The following ATP8A1 variants were observed in gnomAD, a reference collection of about 807,000 sequenced individuals.
The protein encoded by ATP8A1 is ATPase phospholipid transporting 8A1.
In ATP8A1, 90 loss-of-function variants were observed where a neutral mutation model predicts 177.7. The observed-to-expected ratio is 0.51, with a 90% CI of 0.43 to 0.60. The LOEUF (loss-of-function observed/expected upper bound fraction) is 0.60, where lower values mean the gene tolerates loss of function less well. Among genes scored for constraint, ATP8A1 ranks in the 20% least tolerant of loss-of-function variants. ATP8A1 has a pLI of 0.00. For missense variants in ATP8A1, 1,072 were observed against 1,392.8 expected, an observed-to-expected ratio of 0.77 and a Z score of 3.67; for synonymous variants, 493 against 485.9, an observed-to-expected ratio of 1.01 and a Z score of -0.19.
chr4:42,479,646 C>T (rs577160370), intron 25 of ATP8A1, among the ~76,000 whole-genome samples: 1 of 152,118 alleles, frequency 6.6e-6, no homozygotes, highest in East Asian at 1.9e-4. Context: ...TTTGGGGAGG[C>T]CTTCAGTAGA....
chr4:42,636,645 C>T (rs1739423114), intron 1 of ATP8A1, among the ~76,000 whole-genome samples: 1 of 152,166 alleles, frequency 6.6e-6, no homozygotes, highest in African/African-American at 2.4e-5. Flanking sequence ...AATACACCAT[C>T]CCTGTACCGA....
intron 33 of ATP8A1, among the ~76,000 whole-genome samples, chr4:42,432,618 T>C (rs894308926): frequency 2.0e-5 from 3 of 152,198 alleles, no homozygotes; most frequent in Non-Finnish European, 2.9e-5. Context: ...AACTGGGTGG[T>C]ACGCAAGCAT....
At position 42,552,587 on chromosome 4, in the gene ATP8A1, T is replaced by C. The variant is rs752722313; in HGVS notation, c.1437A>G (p.Glu479=). 3 of 1,613,748 alleles carry C rather than the reference T, an allele frequency of 1.9e-6. No homozygotes were observed. The highest frequency in any genetic ancestry group is 1.7e-5 in the Admixed American group (1 of 59,962). The stretch of plus-strand genomic sequence containing the variant: ...GACAGACTGCCATCATTGTAAGAAA[T>C]TCACATATTATAGGTGCAGTTGGCT... ...NNHPTAPIIC[E]FLTMMAVCHT... The change falls in exon 17 of 37, where the codon GAA becomes GAG. Residue 479 remains glutamate, a synonymous_variant. Coordinates refer to ENST00000381668, the MANE Select transcript of ATP8A1 (RefSeq NM_006095.2).
At chr4:42,453,174 CCT>C (rs1249709412) in intron 29 of ATP8A1, among the ~76,000 whole-genome samples, 2 of 152,172 alleles carry the variant, frequency 1.3e-5, no homozygotes, top group Admixed American at 6.5e-5. Context: ...TCCTTTAACC[CCT>C]GTCACGACCT....
At chr4:42,439,094 A>G (rs1185477542) in intron 33 of ATP8A1, among the ~76,000 whole-genome samples, 1 of 152,196 alleles carries the variant, frequency 6.6e-6, no homozygotes, top group Admixed American at 6.5e-5. Context: ...AGCTGAATAT[A>G]GAAGCATGAG....
intron 25 of ATP8A1, among the ~76,000 whole-genome samples, chr4:42,475,330 T>C (rs1320576991): frequency 6.6e-6 from 1 of 152,098 alleles, no homozygotes; most frequent in Non-Finnish European, 1.5e-5. Flanking sequence ...GTAATTTTTT[T>C]GGAGACTCAA....
rs59006734 is a variant in ATP8A1, at chr4:42,499,233, A to C, written c.2151+4217T>G. 6.6e-3 allele frequency among the ~76,000 whole-genome samples: 998 copies of C among 152,336 alleles called. 11 individuals are homozygous for C. Among genetic ancestry groups the C allele is most frequent in the African/African-American group, 0.023 (949 of 41,578 alleles). On this transcript the variant is annotated intron_variant, in intron 24 of 36. Transcript: ENST00000381668. ...GTTAAGCTTGGGAACACTGACTGCA[A>C]GCTTTTGAGGGTAGGAAATTTATGT... is the stretch of plus-strand genomic sequence containing the variant.
At chr4:42,534,351 AG>A (rs1199398951) in intron 20 of ATP8A1, among the ~76,000 whole-genome samples, 4 of 152,196 alleles carry the variant, frequency 2.6e-5, no homozygotes, top group Non-Finnish European at 4.4e-5. Context: ...CTGGAAATGA[AG>A]GCCACACTTA....
chr4:42,600,589 A>C (rs6819419), intron 5 of ATP8A1, 71 bp from the exon 6 acceptor site: 1,402,459 of 1,413,428 alleles, frequency 0.99, 696,378 homozygotes, highest in East Asian at 1. Flanking sequence ...ATGAAATAAT[A>C]ATTTTAAACG....
intron 24 of ATP8A1, among the ~76,000 whole-genome samples, chr4:42,498,102 A>G (rs115385280): frequency 0.017 from 2,577 of 152,312 alleles, 70 homozygotes; most frequent in African/African-American, 0.059. Context: ...AAACTTGCCT[A>G]AACTATTTTC....
In ATP8A1 at chr4:42,522,225, G is replaced by C. The variant is rs765091187; in HGVS notation, c.1882C>G (p.Arg628Gly). 1.2e-6 allele frequency: 2 copies of C among 1,613,508 alleles called. No individual in the cohort carries two copies. Among genetic ancestry groups the C allele is most frequent in the Admixed American group, 1.7e-5 (1 of 59,956 alleles). Residue 628 changes from arginine to glycine, a missense_variant, in exon 22 of 37, where the codon CGA becomes GGA. Around this residue, in one of 5 missense-constraint regions of ATP8A1, gnomAD observed 388 missense variants for 471.7 expected, o/e 0.82. Coordinates refer to ENST00000381668, the MANE Select transcript of ATP8A1 (RefSeq NM_006095.2). ...DFQEWRAVYQ[R>G]ASTSVQNRLL... ...CTGTTCTGCACAGATGTAGATGCTC[G>C]CTGATAGACTGCTCGCCACTCCTGA...
chr4:42,650,404 C>T (rs1740969057), intron 1 of ATP8A1, among the ~76,000 whole-genome samples: 1 of 152,208 alleles, frequency 6.6e-6, no homozygotes, highest in Non-Finnish European at 1.5e-5. Flanking sequence ...GGACCTCCTT[C>T]ATCGACCACA....
chr4:42,447,715 CAG>C (rs1019201150), intron 30 of ATP8A1, among the ~76,000 whole-genome samples: 13 of 152,148 alleles, frequency 8.5e-5, no homozygotes, highest in African/African-American at 2.4e-5. Context: ...GGATGAAACA[CAG>C]AGAGTGGTAC....
intron 35 of ATP8A1, among the ~76,000 whole-genome samples, chr4:42,418,361 T>TTACC (rs35692031): frequency 0.27 from 35,973 of 131,886 alleles, 4,332 homozygotes; most frequent in Middle Eastern, 0.31. Flanking sequence ...ATTATTGTAT[T>TTACC]TGCCTATGAA....
At chr4:42,519,493 G>C (rs1034083469) in intron 22 of ATP8A1, among the ~76,000 whole-genome samples, 2 of 152,156 alleles carry the variant, frequency 1.3e-5, no homozygotes, top group African/African-American at 4.8e-5. Flanking sequence ...CTCTCCAAAA[G>C]CTTCCTTCAG....
intron 20 of ATP8A1, among the ~76,000 whole-genome samples, chr4:42,531,984 C>A (rs992249982): frequency 6.6e-6 from 1 of 151,924 alleles, no homozygotes; most frequent in Non-Finnish European, 1.5e-5. Context: ...TGCTTGCAGT[C>A]CCAGTTACTC....
At chr4:42,532,371 A>G (rs1364253423) in intron 20 of ATP8A1, among the ~76,000 whole-genome samples, 2 of 152,040 alleles carry the variant, frequency 1.3e-5, no homozygotes, top group African/African-American at 4.8e-5. Flanking sequence ...CTGTAATCCC[A>G]GCTACTCAGG....
chr4:42,463,624 G>A (rs143971983), intron 27 of ATP8A1, among the ~76,000 whole-genome samples: 119 of 152,258 alleles, frequency 7.8e-4, no homozygotes, highest in African/African-American at 2.6e-3. Flanking sequence ...TGGTGTCTGG[G>A]CTCAGTAGGT....
intron 6 of ATP8A1, among the ~76,000 whole-genome samples, chr4:42,597,128 G>A (rs770004601): frequency 2.7e-4 from 41 of 152,134 alleles, no homozygotes; most frequent in Non-Finnish European, 4.4e-4. Flanking sequence ...CAAATTTGTA[G>A]GTCCTTTGAG....
Sources: allele counts gnomAD v4.1 joint callset (sites outside exome capture counted in the v4.1 genomes callset), GRCh38; gene constraint gnomAD v4.1.1; regional missense constraint gnomAD v4.1.1; transcripts MANE v1.5; gene names NCBI Gene and HGNC (gene_info 2026-07-23, HGNC 2026-07-21).